STK24: variants seen among roughly 807,000 people sequenced by gnomAD.
STK24 encodes serine/threonine-protein kinase 24.
A neutral mutation model predicts 55.6 loss-of-function variants in STK24; 21 were observed. The observed-to-expected ratio is 0.38, with a 90% confidence interval of 0.27 to 0.54. STK24 has a LOEUF of 0.54. STK24 is among the 20% of genes least tolerant of loss of function. STK24 has a pLI of 0.79. For missense variants in STK24, 383 were observed against 538.4 expected, an observed-to-expected ratio of 0.71 and a Z score of 2.86; for synonymous variants, 200 against 215.2, an observed-to-expected ratio of 0.93 and a Z score of 0.62.
intron 1 of STK24, among the ~76,000 whole-genome samples, chr13:98,522,928 G>A (rs1254319041): frequency 6.6e-6 from 1 of 152,210 alleles, no homozygotes; most frequent in Non-Finnish European, 1.5e-5. Flanking sequence ...GGCGAGAGGG[G>A]TGCTAACAGC....
intron 2 of STK24, among the ~76,000 whole-genome samples, chr13:98,510,974 G>A (rs998177667): frequency 5.9e-5 from 9 of 152,130 alleles, no homozygotes; most frequent in Non-Finnish European, 1.0e-4. Context: ...AGGCTATTCC[G>A]AACAACCACA....
In STK24 at chr13:98,445,947, T is replaced by C; in HGVS notation, c.*7226A>G. On this transcript the variant is annotated 3_prime_UTR_variant, in exon 11 of 11. Transcript: ENST00000539966. ...GATCAGGGTCCCAGGACCTGCCAAG[T>C]CTCCCCACACACGGGGGAGCGGGGG... 1 of 592,270 alleles carries C rather than the reference T, an allele frequency of 1.7e-6. No homozygotes were observed. The highest frequency in any genetic ancestry group is 3.0e-6 in the Non-Finnish European group (1 of 329,164). The allele number at this position is 592,270 out of a possible 1,614,324, so 36.7% of individuals were successfully genotyped here.
At chr13:98,525,919 T>C (rs1430364218) in intron 1 of STK24, among the ~76,000 whole-genome samples, 1 of 152,208 alleles carries the variant, frequency 6.6e-6, no homozygotes, top group Non-Finnish European at 1.5e-5. Context: ...TCCAATTCCC[T>C]AAAATCCCCC....
At chr13:98,547,572 T>C (rs147564893) in intron 1 of STK24, among the ~76,000 whole-genome samples, 6 of 152,146 alleles carry the variant, frequency 3.9e-5, no homozygotes, top group Admixed American at 1.3e-4. Context: ...AATGACCAAC[T>C]ATGATAAAAA....
intron 2 of STK24, among the ~76,000 whole-genome samples, chr13:98,489,134 C>T (rs1168590966): frequency 6.6e-6 from 1 of 152,230 alleles, no homozygotes; most frequent in East Asian, 1.9e-4. Context: ...AACAAGGCCT[C>T]GCCTATGAGC....
At chr13:98,484,036 ACC>A (rs1894706965) in intron 2 of STK24, among the ~76,000 whole-genome samples, 5 of 152,206 alleles carry the variant, frequency 3.3e-5, no homozygotes, top group Admixed American at 6.5e-5. Flanking sequence ...TGTGTCTGAC[ACC>A]CAACTCAGAG....
At chr13:98,531,957 T>C (rs1306701162) in intron 1 of STK24, among the ~76,000 whole-genome samples, 1 of 152,182 alleles carries the variant, frequency 6.6e-6, no homozygotes, top group Non-Finnish European at 1.5e-5. Context: ...TGCATGTGGC[T>C]AGGGATTCTC....
At chr13:98,549,646 G>A (rs1897113676) in intron 1 of STK24, among the ~76,000 whole-genome samples, 1 of 152,156 alleles carries the variant, frequency 6.6e-6, no homozygotes, top group Non-Finnish European at 1.5e-5. Flanking sequence ...TCGGCCATGA[G>A]TCAAAGCTCC....
chr13:98,508,467 G>A (rs1176207167), intron 2 of STK24, among the ~76,000 whole-genome samples: 1 of 152,210 alleles, frequency 6.6e-6, no homozygotes, highest in East Asian at 1.9e-4. Flanking sequence ...GCCTTTCAGG[G>A]TCAGCAGAAA....
chr13:98,515,922 T>C (rs145458275), intron 2 of STK24, among the ~76,000 whole-genome samples: 76 of 152,074 alleles, frequency 5.0e-4, no homozygotes, highest in African/African-American at 1.8e-3. Flanking sequence ...CTACAGGGAG[T>C]GTTTTAAAAT....
In STK24 at chr13:98,522,017, C is replaced by T. The variant is rs1030915981; in HGVS notation, c.43-2544G>A. The T allele has an allele frequency of 6.3e-6, 9 of 1,429,530 alleles. No individual in the cohort carries two copies. The African/African-American group carries it at 8.6e-5, about 14-fold the overall frequency. 88.6% of individuals were successfully genotyped at this position (1,429,530 alleles called of 1,614,324 possible). ...ACCCAAAGCCCTCCTCCTCCACTCT[C>T]TCCTTCCTCTGGAGTCCCTTCAAAG... On this transcript the variant is annotated intron_variant, in intron 1 of 10. Transcript: ENST00000539966.
Position 98,449,202 on chromosome 13 carries a change from C to CAGA in STK24, c.*3968_*3970dup, listed in dbSNP as rs569882558. On this transcript the variant is annotated 3_prime_UTR_variant, in exon 11 of 11. Coordinates refer to ENST00000539966, the MANE Select transcript of STK24 (RefSeq NM_001032296.4). ...GAGCGTTTAGTGAGCCTGCTGGCTG[C>CAGA]AGAGCACTATGAAATCATGGTACGT... The CAGA allele has an allele frequency of 3.4e-4, 52 of 152,364 alleles. No individual in the cohort carries two copies. Among genetic ancestry groups the CAGA allele is most frequent in the African/African-American group, 9.9e-4 (41 of 41,572 alleles). The allele number at this position is 152,364 out of a possible 1,614,324, so 9.4% of individuals were successfully genotyped here. A position where few individuals can be genotyped will look rare whatever the true frequency, so the allele number is the denominator to read the frequency against.
chr13:98,550,296 T>C (rs1159666321), intron 1 of STK24, among the ~76,000 whole-genome samples: 2 of 152,162 alleles, frequency 1.3e-5, no homozygotes, highest in Admixed American at 1.3e-4. Context: ...CCCAGCACTT[T>C]GGGAGGTCAA....
chr13:98,456,889 G>A, intron 10 of STK24: 1 of 528,060 alleles, frequency 1.9e-6, no homozygotes, highest in Non-Finnish European at 3.4e-6. Flanking sequence ...ATAATTAAGA[G>A]GAAACAGGTA....
At chr13:98,460,602 G>A (rs1156259013) in intron 8 of STK24, among the ~76,000 whole-genome samples, 162 bp from the exon 9 acceptor site, 1 of 152,120 alleles carries the variant, frequency 6.6e-6, no homozygotes, top group African/African-American at 2.4e-5. Flanking sequence ...GGAGACTATC[G>A]GCTGCCTCTC....
chr13:98,567,710 G>A (rs1197902907), intron 1 of STK24, among the ~76,000 whole-genome samples: 1 of 152,178 alleles, frequency 6.6e-6, no homozygotes, highest in African/African-American at 2.4e-5. Flanking sequence ...CCAGCAGTCA[G>A]TCCTAGCTCT....
At chr13:98,516,582 G>A (rs1374279923) in intron 2 of STK24, among the ~76,000 whole-genome samples, 2 of 152,192 alleles carry the variant, frequency 1.3e-5, no homozygotes, top group African/African-American at 4.8e-5. Context: ...AGGAGAACAT[G>A]AACAGAAACA....
intron 1 of STK24, among the ~76,000 whole-genome samples, chr13:98,545,244 T>C (rs1432276480): frequency 6.6e-6 from 1 of 152,216 alleles, no homozygotes; most frequent in Non-Finnish European, 1.5e-5. Context: ...GTTCTCTCTG[T>C]TTTTCTGCAC....
chr13:98,467,084 AGAG>A (rs756276881), intron 5 of STK24, among the ~76,000 whole-genome samples: 21 of 152,214 alleles, frequency 1.4e-4, no homozygotes, highest in Non-Finnish European at 2.5e-4. Context: ...TGGAGGTGGA[AGAG>A]GAGGAGGTGG....
Sources: gnomAD v4.1 joint callset for allele counts (sites outside exome capture counted in the v4.1 genomes callset) on GRCh38, gnomAD v4.1.1 for gene constraint, MANE v1.5 for transcripts, NCBI Gene and HGNC (gene_info 2026-07-23, HGNC 2026-07-21) for gene names.